The following MYO9A variants were observed in gnomAD, a reference collection of about 807,000 sequenced individuals.
MYO9A encodes the protein unconventional myosin-IXa.
In MYO9A, 103 loss-of-function variants were observed where a neutral mutation model predicts 293.3. That is an observed-to-expected ratio of 0.35 (90% confidence interval 0.30 to 0.41). The LOEUF is 0.41. Among genes scored for constraint, MYO9A ranks in the 10% least tolerant of loss-of-function variants. MYO9A has a pLI of 1.00. For missense variants in MYO9A, 2,685 were observed against 3,033.0 expected (o/e 0.89, Z 2.69); for synonymous variants, 1,001 against 1,035.7 (o/e 0.97, Z 0.64).
intron 1 of MYO9A, among the ~76,000 whole-genome samples, chr15:72,068,363 AT>A (rs984713087): frequency 1.3e-5 from 2 of 152,166 alleles, no homozygotes; most frequent in African/African-American, 4.8e-5. Context: ...GTATTACTTC[AT>A]TTAATAAGAA....
chr15:71,898,279 C>G lies in MYO9A; in HGVS notation c.4224G>C (p.Leu1408=), dbSNP rs147168380. 1.3e-4 allele frequency: 206 copies of G among 1,613,988 alleles called. No homozygotes were observed. The highest frequency in any genetic ancestry group is 1.6e-4 in the Non-Finnish European group (185 of 1,180,038). Residue 1408 remains leucine, a synonymous_variant, in exon 25 of 42, where the codon CTG becomes CTC. Coordinates refer to ENST00000356056, the MANE Select transcript of MYO9A (RefSeq NM_006901.4). The part of the protein sequence containing the change: ...SSESITCKPQ[L]KDSFISNSLP... ...GACTATTTGAAATGAAGGAGTCTTT[C>G]AGCTGTGGTTTACAGGTAATAGACT...
intron 1 of MYO9A, among the ~76,000 whole-genome samples, chr15:72,056,712 C>T (rs535795397): frequency 1.7e-4 from 26 of 152,200 alleles, no homozygotes; most frequent in Non-Finnish European, 3.7e-4. Context: ...CAGTGGCTCA[C>T]GCCTGTTAAT....
At chr15:72,035,509 T>C (rs752890882) in intron 2 of MYO9A, among the ~76,000 whole-genome samples, 15 of 152,134 alleles carry the variant, frequency 9.9e-5, no homozygotes, top group Non-Finnish European at 2.1e-4. Flanking sequence ...ATGAGAGAAA[T>C]CAGTCTCAAA....
At chr15:71,955,127 AC>A (rs1364961121) in intron 14 of MYO9A, among the ~76,000 whole-genome samples, 2 of 146,804 alleles carry the variant, frequency 1.4e-5, no homozygotes, top group Non-Finnish European at 3.0e-5. Flanking sequence ...ACAATTTATT[AC>A]CTTTTTTTTT....
intron 15 of MYO9A, chr15:71,950,348 G>C (rs1596265192): frequency 2.0e-5 from 3 of 152,294 alleles, no homozygotes; most frequent in African/African-American, 7.2e-5. Context: ...TCCTATTCAA[G>C]ATCCATATGT....
intron 1 of MYO9A, among the ~76,000 whole-genome samples, chr15:72,069,134 CCTTTATGAA>C (rs2079106900): frequency 6.6e-6 from 1 of 152,140 alleles, no homozygotes; most frequent in Admixed American, 6.5e-5. Context: ...TATCATATCT[CCTTTATGAA>C]CTCACAAGCT....
intron 37 of MYO9A, among the ~76,000 whole-genome samples, chr15:71,850,733 TC>T (rs1353870942): frequency 8.4e-6 from 1 of 118,486 alleles, no homozygotes; most frequent in Admixed American, 1.2e-4. Context: ...GTCACTGCAC[TC>T]CGGCCTGGGT....
At chr15:71,867,047 ACT>A (rs1391211757) in intron 32 of MYO9A, among the ~76,000 whole-genome samples, 2 of 151,288 alleles carry the variant, frequency 1.3e-5, no homozygotes, top group Non-Finnish European at 2.9e-5. Context: ...ACAGAGTGAG[ACT>A]CTGTATCAAA....
chr15:71,954,826 C>T (rs1007416496), intron 14 of MYO9A, among the ~76,000 whole-genome samples: 28 of 152,160 alleles, frequency 1.8e-4, no homozygotes, highest in Admixed American at 1.0e-3. Context: ...GGCTCAGTCC[C>T]AGCTCCAAAG....
intron 8 of MYO9A, among the ~76,000 whole-genome samples, chr15:72,003,405 C>T (rs1425293555): frequency 6.6e-6 from 1 of 151,516 alleles, no homozygotes; most frequent in African/African-American, 2.4e-5. Flanking sequence ...TTACAAAGAA[C>T]TCAAAAGCAG....
intron 7 of MYO9A, among the ~76,000 whole-genome samples, chr15:72,009,454 G>A (rs1229589820): frequency 1.3e-5 from 2 of 152,196 alleles, no homozygotes; most frequent in East Asian, 3.9e-4. Flanking sequence ...GGCGGGCGCA[G>A]TGGCTCATGC....
intron 1 of MYO9A, among the ~76,000 whole-genome samples, chr15:72,086,863 G>A (rs945775126): frequency 2.0e-5 from 3 of 152,074 alleles, no homozygotes; most frequent in African/African-American, 4.8e-5. Context: ...CGCCTCCCAG[G>A]TTCAAGCGAT....
intron 27 of MYO9A, among the ~76,000 whole-genome samples, chr15:71,886,335 G>A (rs1393515258): frequency 2.0e-5 from 3 of 152,014 alleles, no homozygotes; most frequent in African/African-American, 2.4e-5. Flanking sequence ...ATATATTCAG[G>A]GTTTTCCCTA....
intron 1 of MYO9A, among the ~76,000 whole-genome samples, chr15:72,093,019 T>G (rs1445807189): frequency 6.6e-6 from 1 of 151,742 alleles, no homozygotes; most frequent in Non-Finnish European, 1.5e-5. Flanking sequence ...AAAATACATG[T>G]GCAAAACCCA....
intron 34 of MYO9A, 150 bp downstream of exon 34, chr15:71,859,585 G>A: frequency 1.7e-6 from 1 of 571,488 alleles, no homozygotes; most frequent in Middle Eastern, 4.6e-4. Context: ...ACTGGATCAT[G>A]GCATAAAACA....
intron 18 of MYO9A, among the ~76,000 whole-genome samples, chr15:71,922,594 CT>C (rs1356929009): frequency 0.028 from 2 of 72 alleles, no homozygotes; most frequent in Non-Finnish European, 0.067. Context: ...AGTGTTGTCC[CT>C]TTCCCTTTCC....
chr15:71,845,137 A>C (rs1374746853), intron 39 of MYO9A, among the ~76,000 whole-genome samples: 1 of 152,148 alleles, frequency 6.6e-6, no homozygotes, highest in Non-Finnish European at 1.5e-5. Context: ...CTTCCTGAGG[A>C]GTTTGCTTTC....
Position 72,046,534 on chromosome 15 carries a change from G to T in MYO9A, c.30C>A (p.Arg10=). The part of the protein sequence containing the change: MNINDGGRR[R]FEDNEHTLRI... The stretch of plus-strand genomic sequence containing the variant: ...GTAATGTATGTTCATTATCTTCAAA[G>T]CGTCGTCTTCCTCCATCATTTATAT... Residue 10 remains arginine, a synonymous_variant, in exon 2 of 42, where the codon CGC becomes CGA. Transcript: ENST00000356056. 1 of 1,605,564 alleles carries T rather than the reference G, an allele frequency of 6.2e-7. No homozygotes were observed. The highest frequency in any genetic ancestry group is 8.5e-7 in the Non-Finnish European group (1 of 1,175,050).
chr15:71,860,034 T>G (rs1567205071), intron 33 of MYO9A, among the ~76,000 whole-genome samples: 1 of 152,220 alleles, frequency 6.6e-6, no homozygotes, highest in South Asian at 2.1e-4. Flanking sequence ...AAAAGCTTTT[T>G]GTTCTTTCAA....
Sources: gnomAD v4.1 joint callset for allele counts (sites outside exome capture counted in the v4.1 genomes callset) on GRCh38, gnomAD v4.1.1 for gene constraint, MANE v1.5 for transcripts, NCBI Gene and HGNC (gene_info 2026-07-23, HGNC 2026-07-21) for gene names.